DEPTOR: variants seen among roughly 807,000 people sequenced by gnomAD.
DEPTOR encodes DEP domain-containing mTOR-interacting protein.
Under a neutral mutation model 41.6 loss-of-function variants are expected in DEPTOR, and 41 were observed. That is an observed-to-expected ratio of 0.98 (90% CI 0.77 to 1.28). The LOEUF (loss-of-function observed/expected upper bound fraction) is 1.28. DEPTOR is among the 50% of genes most tolerant of loss of function. The pLI, the probability that DEPTOR is intolerant of heterozygous loss-of-function variation, is 0.00. For synonymous variants in DEPTOR, 195 were observed against 192.3 expected (o/e 1.01, Z -0.12); for missense variants, 514 against 527.9 (o/e 0.97, Z 0.26).
At chr8:119,908,245 AT>A (rs1360378500) in intron 1 of DEPTOR, among the ~76,000 whole-genome samples, 7 of 152,204 alleles carry the variant, frequency 4.6e-5, no homozygotes, top group Non-Finnish European at 8.8e-5. Flanking sequence ...ACCTTGCCCT[AT>A]CCATCTCCAT....
rs73705881 is a variant in DEPTOR at position 120,011,583 on chromosome 8, G to C, written c.1101+2450G>C. Reference sequence around the variant, plus strand: ...TTCAGTTCTGAGTGTGCACTCACTCGCATGATGCTTTGGCTTAAAGAGCAT... The same window carrying C: ...TTCAGTTCTGAGTGTGCACTCACTCCCATGATGCTTTGGCTTAAAGAGCAT... On this transcript the variant is annotated intron_variant, in intron 8 of 8. Transcript: ENST00000286234. Among the ~76,000 whole-genome samples, 439 of 152,234 alleles carry C rather than the reference G, an allele frequency of 2.9e-3. 3 individuals carry two copies. Among genetic ancestry groups the C allele is most frequent in the African/African-American group, 0.01 (421 of 41,534 alleles).
chr8:120,030,002 C>A (rs927427660), intron 8 of DEPTOR, among the ~76,000 whole-genome samples: 9 of 152,292 alleles, frequency 5.9e-5, no homozygotes, highest in Non-Finnish European at 1.3e-4. Flanking sequence ...CTGCCCTGTG[C>A]TCTGGGTGGA....
At chr8:120,009,914 T>A (rs1563591226) in intron 8 of DEPTOR, among the ~76,000 whole-genome samples, 3 of 152,256 alleles carry the variant, frequency 2.0e-5, no homozygotes, top group African/African-American at 7.2e-5. Context: ...ATTTGAAAAA[T>A]TATGTATTTC....
intron 8 of DEPTOR, among the ~76,000 whole-genome samples, chr8:120,012,379 A>G (rs2130112987): frequency 6.6e-6 from 1 of 152,322 alleles, no homozygotes; most frequent in South Asian, 2.1e-4. Flanking sequence ...TAAACACTGT[A>G]CAGCATGTTA....
At chr8:119,922,343 A>G (rs1827908809) in intron 1 of DEPTOR, among the ~76,000 whole-genome samples, 1 of 152,158 alleles carries the variant, frequency 6.6e-6, no homozygotes. Flanking sequence ...TTCTCCTACT[A>G]TATATAACAA....
At chr8:119,942,085 A>G (rs941117583) in intron 3 of DEPTOR, among the ~76,000 whole-genome samples, 1 of 152,214 alleles carries the variant, frequency 6.6e-6, no homozygotes, top group African/African-American at 2.4e-5. Context: ...ATTTGTTAAC[A>G]TGCAAAACAG....
At chr8:119,975,671 G>T (rs1228135472) in intron 4 of DEPTOR, among the ~76,000 whole-genome samples, 1 of 152,058 alleles carries the variant, frequency 6.6e-6, no homozygotes, top group Non-Finnish European at 1.5e-5. Context: ...ACTGGGCTGG[G>T]TAAGCCAAGA....
intron 4 of DEPTOR, among the ~76,000 whole-genome samples, chr8:119,969,039 A>T (rs1586637377): frequency 6.6e-6 from 1 of 151,710 alleles, no homozygotes; most frequent in Non-Finnish European, 1.5e-5. Flanking sequence ...AGGTTGCAGT[A>T]AGCCAAGATC....
chr8:120,008,787 T>C (rs908061796), intron 7 of DEPTOR, among the ~76,000 whole-genome samples: 1 of 152,202 alleles, frequency 6.6e-6, no homozygotes, highest in Non-Finnish European at 1.5e-5. Context: ...TATTGAATCA[T>C]GCCCTCATGG....
chr8:119,958,454 C>A (rs1032367874), intron 3 of DEPTOR, among the ~76,000 whole-genome samples: 10 of 152,062 alleles, frequency 6.6e-5, no homozygotes, highest in Non-Finnish European at 8.8e-5. Context: ...TTGGTCAAAG[C>A]CAGTCACAAA....
chr8:119,881,998 G>T (rs892390728), intron 1 of DEPTOR, among the ~76,000 whole-genome samples: 1 of 152,130 alleles, frequency 6.6e-6, no homozygotes, highest in Non-Finnish European at 1.5e-5. Context: ...TCGAGTGATT[G>T]TCCCGCCTCA....
intron 8 of DEPTOR, among the ~76,000 whole-genome samples, chr8:120,014,109 AAAT>A (rs1350594331): frequency 6.6e-6 from 1 of 152,232 alleles, no homozygotes; most frequent in African/African-American, 2.4e-5. Context: ...TTTACTTAAA[AAAT>A]AAAATCTGTA....
chr8:119,922,196 G>A (rs1038046082), intron 1 of DEPTOR, among the ~76,000 whole-genome samples: 8 of 149,306 alleles, frequency 5.4e-5, no homozygotes, highest in Non-Finnish European at 7.4e-5. Context: ...CCAAGATGGC[G>A]CCATTGCACT....
chr8:119,913,542 G>A (rs1563963960), intron 1 of DEPTOR, among the ~76,000 whole-genome samples: 1 of 152,208 alleles, frequency 6.6e-6, no homozygotes, highest in Non-Finnish European at 1.5e-5. Flanking sequence ...GCTCAAGTGA[G>A]AGTGGGATGT....
chr8:119,971,230 CAAAAAAAAA>C (rs36009381), intron 4 of DEPTOR, among the ~76,000 whole-genome samples: 4 of 109,554 alleles, frequency 3.7e-5, no homozygotes, highest in African/African-American at 1.4e-4. Context: ...GACTCCGTCT[CAAAAAAAAA>C]AAAAAAAAAA....
At chr8:119,916,266 A>ATTTTTGTT (rs1827812381) in intron 1 of DEPTOR, among the ~76,000 whole-genome samples, 1 of 123,294 alleles carries the variant, frequency 8.1e-6, no homozygotes, top group African/African-American at 3.2e-5. Context: ...GGCTAGGCTA[A>ATTTTTGTT]TTTTTTTTTT....
At chr8:119,951,253 G>A (rs960528308) in intron 3 of DEPTOR, among the ~76,000 whole-genome samples, 1 of 152,002 alleles carries the variant, frequency 6.6e-6, no homozygotes, top group African/African-American at 2.4e-5. Flanking sequence ...AACCATTCCT[G>A]TCAAATGAGC....
intron 8 of DEPTOR, among the ~76,000 whole-genome samples, chr8:120,021,393 AATTTC>A (rs1812712027): frequency 6.6e-6 from 1 of 152,162 alleles, no homozygotes; most frequent in African/African-American, 2.4e-5. Flanking sequence ...ACAAGAGTGA[AATTTC>A]GTCTCAAAAA....
At position 119,965,365 on chromosome 8, in the gene DEPTOR, G is replaced by A. The variant is rs781064864; in HGVS notation, c.559G>A (p.Glu187Lys). 1.6e-5 allele frequency: 26 copies of A among 1,614,006 alleles called. No homozygotes were observed. The Admixed American group carries it at 4.2e-4, about 26-fold the overall frequency. Reference protein sequence around the residue: ...EGEATTRKEAEQLCHRLMEHG... With the variant: ...EGEATTRKEAKQLCHRLMEHG... ...TGAGGCCACCACGAGGAAAGAGGCA[G>A]AGCAGCTTTGCCACCGGCTTATGGA... The change falls in exon 4 of 9, where the codon GAG (glutamate) becomes AAG (lysine). Residue 187 changes from glutamate to lysine, a missense_variant. Glu to Lys is a moderately conservative substitution (Grantham distance 56). Transcript: ENST00000286234.
Sources: gnomAD v4.1 joint callset for allele counts (sites outside exome capture counted in the v4.1 genomes callset) on GRCh38, gnomAD v4.1.1 for gene constraint, MANE v1.5 for transcripts, NCBI Gene and HGNC (gene_info 2026-07-23, HGNC 2026-07-21) for gene names.